The following LARS2 variants were observed in gnomAD, a reference collection of about 807,000 sequenced individuals.
LARS2 encodes the protein leucyl-tRNA synthetase 2, mitochondrial.
A neutral mutation model predicts 116.6 loss-of-function variants in LARS2; 81 were observed. The observed-to-expected ratio is 0.69, with a 90% CI of 0.58 to 0.84. The LOEUF is 0.84. Ranked by LOEUF, LARS2 falls within the 40% of genes least tolerant of loss-of-function variation. The pLI, the probability that LARS2 is intolerant of heterozygous loss-of-function variation, is 0.00. For missense variants in LARS2, 968 were observed against 1,114.5 expected (o/e 0.87, Z 1.87); for synonymous variants, 396 against 407.2 (o/e 0.97, Z 0.33).
chr3:45,494,328 A>G (rs557627721), intron 13 of LARS2, among the ~76,000 whole-genome samples: 1 of 152,352 alleles, frequency 6.6e-6, no homozygotes, highest in East Asian at 1.9e-4. Flanking sequence ...TACTTCACAA[A>G]TGGAAGACAG....
chr3:45,478,128 G>T, intron 10 of LARS2, among the ~76,000 whole-genome samples: 1 of 152,122 alleles, frequency 6.6e-6, no homozygotes, highest in Non-Finnish European at 1.5e-5. Context: ...AGAGTCTTTT[G>T]AGTTAAAATT....
At chr3:45,398,533 A>G (rs1371898611) in intron 3 of LARS2, among the ~76,000 whole-genome samples, 1 of 152,256 alleles carries the variant, frequency 6.6e-6, no homozygotes, top group Admixed American at 6.5e-5. Context: ...AGAAGGCAGA[A>G]ATAAATAAAA....
intron 12 of LARS2, among the ~76,000 whole-genome samples, chr3:45,490,231 G>A (rs1699891385): frequency 6.6e-6 from 1 of 152,120 alleles, no homozygotes; most frequent in Non-Finnish European, 1.5e-5. Flanking sequence ...TGTCTGTAAG[G>A]AGCCCCAGTT....
At chr3:45,429,698 CTT>C (rs35874596) in intron 6 of LARS2, among the ~76,000 whole-genome samples, 3 of 108,138 alleles carry the variant, frequency 2.8e-5, no homozygotes, top group African/African-American at 6.9e-5. Flanking sequence ...CATCCTTCTG[CTT>C]TTTTTTTTTT....
chr3:45,425,301 G>C (rs1468195634), intron 6 of LARS2, among the ~76,000 whole-genome samples: 1 of 152,152 alleles, frequency 6.6e-6, no homozygotes, highest in Non-Finnish European at 1.5e-5. Context: ...CTGATTGAGG[G>C]GGACTAGTGT....
At chr3:45,433,860 A>C (rs1698760523) in intron 6 of LARS2, among the ~76,000 whole-genome samples, 1 of 152,140 alleles carries the variant, frequency 6.6e-6, no homozygotes, top group African/African-American at 2.4e-5. Context: ...GGATATTTTC[A>C]AGAGATATGG....
At chr3:45,405,510 A>C (rs935218433) in intron 4 of LARS2, among the ~76,000 whole-genome samples, 1 of 152,182 alleles carries the variant, frequency 6.6e-6, no homozygotes, top group Non-Finnish European at 1.5e-5. Flanking sequence ...ATGTTTCTCA[A>C]ACTTTAGAAC....
chr3:45,422,106 C>A (rs1179125912), intron 6 of LARS2: 3 of 152,158 alleles, frequency 2.0e-5, no homozygotes, highest in African/African-American at 4.8e-5. Context: ...AAATCAAGAA[C>A]AAATTTTGGT....
Position 45,464,293 on chromosome 3 carries a change from G to A in LARS2, c.750+5407G>A, listed in dbSNP as rs189490537. ...CGGAGGATGTTAGAGCGAAGAGACA[G>A]CCTCAGAGAAGCAGTGAGGCAGGGT... On this transcript the variant is annotated intron_variant, in intron 8 of 21. Coordinates refer to ENST00000645846, the MANE Select transcript of LARS2 (RefSeq NM_015340.4). 1.6e-3 allele frequency among the ~76,000 whole-genome samples: 251 copies of A among 152,294 alleles called. 3 individuals are homozygous for A. The highest frequency in any genetic ancestry group is 0.01 in the Middle Eastern group (3 of 294).
At chr3:45,541,776 T>G (rs1354116590) in intron 20 of LARS2, 53 bp from the exon 21 acceptor site, 3 of 1,601,716 alleles carry the variant, frequency 1.9e-6, no homozygotes, top group African/African-American at 1.3e-5. Context: ...CCTGCTCTCA[T>G]AAGCCTCCCT....
chr3:45,476,672 A>G, intron 10 of LARS2, 45 bp downstream of exon 10: 1 of 1,601,714 alleles, frequency 6.2e-7, no homozygotes, highest in Non-Finnish European at 8.5e-7. Context: ...TTGCTACCTT[A>G]CATTTGGATG....
chr3:45,426,530 A>G (rs984582165), intron 6 of LARS2, among the ~76,000 whole-genome samples: 1 of 152,182 alleles, frequency 6.6e-6, no homozygotes, highest in Non-Finnish European at 1.5e-5. Context: ...CCTTTGTTTT[A>G]GCTGAAATGA....
chr3:45,394,656 A>G lies in LARS2; in HGVS notation c.203A>G (p.Lys68Arg). Reference protein sequence around the residue: ...DVEKWWHQRIKEQASKISEAD... With the variant: ...DVEKWWHQRIREQASKISEAD... ...GAGAAATGGTGGCATCAACGAATAA[A>G]AGAACAGGCCTCCAAAATTTCAGAA... The change falls in exon 3 of 22, where the codon AAA becomes AGA. Residue 68 changes from lysine (K) to arginine (R), a missense_variant. By Grantham distance (26) the Lys-to-Arg change is conservative. Coordinates refer to ENST00000645846, the MANE Select transcript of LARS2 (RefSeq NM_015340.4). 1 of 1,614,050 alleles carries G rather than the reference A, an allele frequency of 6.2e-7. No individual in the cohort carries two copies. Among genetic ancestry groups the G allele is most frequent in the Non-Finnish European group, 8.5e-7 (1 of 1,179,878 alleles).
At chr3:45,497,142 A>G (rs1700026994) in intron 14 of LARS2, among the ~76,000 whole-genome samples, 1 of 151,976 alleles carries the variant, frequency 6.6e-6, no homozygotes, top group Admixed American at 6.5e-5. Flanking sequence ...TTTTTCAATA[A>G]TTGCTGGGAG....
intron 6 of LARS2, among the ~76,000 whole-genome samples, chr3:45,439,822 A>G (rs1000619766): frequency 5.3e-5 from 8 of 152,110 alleles, no homozygotes; most frequent in African/African-American, 1.9e-4. Context: ...CTTAGCTCCT[A>G]CTGAAGTCTG....
Position 45,394,515 on chromosome 3 carries a change from G to T in LARS2, c.62G>T (p.Gly21Val). The T allele has an allele frequency of 3.1e-6, 5 of 1,614,158 alleles. No homozygotes were observed. Among genetic ancestry groups the T allele is most frequent in the South Asian group, 1.1e-5 (1 of 91,090 alleles). The change falls in exon 3 of 22, where the codon GGT (glycine) becomes GTT (valine). Residue 21 changes from glycine (G) to valine (V), a missense_variant. Coordinates refer to ENST00000645846, the MANE Select transcript of LARS2 (RefSeq NM_015340.4). Reference sequence around the variant, plus strand: ...TCTCTTCTGAAAAGACAGCTAAATGGTGGGCCAGATGTCATCAAGTGGGAA... The same window carrying T: ...TCTCTTCTGAAAAGACAGCTAAATGTTGGGCCAGATGTCATCAAGTGGGAA... Reference protein sequence around the residue: ...YASLLKRQLNGGPDVIKWERR... With the variant: ...YASLLKRQLNVGPDVIKWERR...
chr3:45,484,650 T>TAA (rs1553634459), intron 10 of LARS2, among the ~76,000 whole-genome samples: 1 of 97,008 alleles, frequency 1.0e-5, no homozygotes, highest in South Asian at 4.0e-4. Flanking sequence ...TATATATATT[T>TAA]AAAATAAGAT....
At chr3:45,432,559 T>C in intron 6 of LARS2, among the ~76,000 whole-genome samples, 1 of 151,610 alleles carries the variant, frequency 6.6e-6, no homozygotes, top group East Asian at 1.9e-4. Flanking sequence ...GATTAAAAAA[T>C]CACAAGGGAA....
intron 6 of LARS2, among the ~76,000 whole-genome samples, chr3:45,441,089 A>G (rs1189982144): frequency 2.1e-5 from 3 of 144,112 alleles, no homozygotes; most frequent in South Asian, 2.2e-4. Flanking sequence ...TCAGTGGCAC[A>G]GTCTCGGCTC....
Sources: gnomAD v4.1 joint callset for allele counts (sites outside exome capture counted in the v4.1 genomes callset) on GRCh38, gnomAD v4.1.1 for gene constraint, MANE v1.5 for transcripts, NCBI Gene and HGNC (gene_info 2026-07-23, HGNC 2026-07-21) for gene names.